EYA4: variants seen among roughly 807,000 people sequenced by gnomAD.
EYA4 encodes EYA transcriptional coactivator and phosphatase 4, also known as protein phosphatase EYA4.
EYA4 carries 31 observed loss-of-function variants against 87.9 expected under a neutral mutation model. The observed-to-expected ratio is 0.35, with a 90% CI of 0.27 to 0.48. EYA4 has a LOEUF of 0.48. EYA4 is among the 20% of genes least tolerant of loss of function. The pLI is 0.99. For missense variants in EYA4, 678 were observed against 761.4 expected, an observed-to-expected ratio of 0.89 and a Z score of 1.29; for synonymous variants, 263 against 270.6, an observed-to-expected ratio of 0.97 and a Z score of 0.28.
chr6:133,419,198 A>G (rs1200075468), intron 3 of EYA4, among the ~76,000 whole-genome samples: 2 of 152,232 alleles, frequency 1.3e-5, no homozygotes, highest in East Asian at 3.8e-4. Flanking sequence ...TTTTACTTAC[A>G]TAAACTCATG....
intron 13 of EYA4, among the ~76,000 whole-genome samples, chr6:133,492,504 G>A (rs1797272893): frequency 1.3e-5 from 2 of 152,292 alleles, no homozygotes; most frequent in Admixed American, 1.3e-4. Flanking sequence ...ATATCACACA[G>A]AAGGGGGAAA....
chr6:133,456,971 G>T (rs953871134), intron 6 of EYA4, among the ~76,000 whole-genome samples: 1 of 152,044 alleles, frequency 6.6e-6, no homozygotes, highest in Non-Finnish European at 1.5e-5. Context: ...AGCTGACCTT[G>T]CTTCTTCAAC....
At chr6:133,266,228 A>G (rs192099552) in intron 1 of EYA4, among the ~76,000 whole-genome samples, 44 of 152,278 alleles carry the variant, frequency 2.9e-4, no homozygotes, top group Admixed American at 2.7e-3. Flanking sequence ...TTAAGAGGAA[A>G]ATTTGTACAG....
chr6:133,259,761 G>T (rs958350053), intron 1 of EYA4, among the ~76,000 whole-genome samples: 26 of 152,144 alleles, frequency 1.7e-4, no homozygotes, highest in Non-Finnish European at 2.9e-5. Flanking sequence ...ACTTTGTTGT[G>T]TTTGGGACTT....
At chr6:133,350,165 CA>C (rs1783531445) in intron 2 of EYA4, among the ~76,000 whole-genome samples, 1 of 151,890 alleles carries the variant, frequency 6.6e-6, no homozygotes, top group Non-Finnish European at 1.5e-5. Context: ...CTAATTGAAC[CA>C]AAAAATGAAC....
intron 2 of EYA4, among the ~76,000 whole-genome samples, chr6:133,327,193 A>C (rs1781564076): frequency 6.6e-6 from 1 of 152,014 alleles, no homozygotes; most frequent in Non-Finnish European, 1.5e-5. Context: ...GCTAGAGTGC[A>C]GTGGCATAGT....
intron 13 of EYA4, among the ~76,000 whole-genome samples, chr6:133,488,484 G>T (rs1184774929): frequency 1.3e-5 from 2 of 152,124 alleles, no homozygotes; most frequent in Non-Finnish European, 2.9e-5. Flanking sequence ...ATCCAGCACA[G>T]TCCCAGGGTG....
At chr6:133,389,993 C>G (rs1787116496) in intron 3 of EYA4, among the ~76,000 whole-genome samples, 1 of 152,120 alleles carries the variant, frequency 6.6e-6, no homozygotes, top group South Asian at 2.1e-4. Flanking sequence ...CCAAGACTGT[C>G]AGAGAGCCTT....
intron 17 of EYA4, among the ~76,000 whole-genome samples, chr6:133,522,231 G>C (rs1800246037): frequency 7.8e-6 from 1 of 127,542 alleles, no homozygotes; most frequent in Admixed American, 7.8e-5. Flanking sequence ...GTGCAGGCTT[G>C]TTACATATGT....
At chr6:133,527,285 G>GA (rs1455798543) in intron 19 of EYA4, among the ~76,000 whole-genome samples, 1 of 152,084 alleles carries the variant, frequency 6.6e-6, no homozygotes, top group Non-Finnish European at 1.5e-5. Context: ...TGAGCTGAAT[G>GA]AAAAAATGTT....
chr6:133,276,019 C>T (rs1777134300), intron 2 of EYA4, among the ~76,000 whole-genome samples: 1 of 152,104 alleles, frequency 6.6e-6, no homozygotes, highest in Admixed American at 6.5e-5. Flanking sequence ...TGGTTATTGA[C>T]TGTAAATATT....
intron 2 of EYA4, among the ~76,000 whole-genome samples, chr6:133,366,807 G>A (rs1222182410): frequency 6.6e-6 from 1 of 152,142 alleles, no homozygotes; most frequent in African/African-American, 2.4e-5. Flanking sequence ...ATTTCATGTG[G>A]TCTTTTTCAA....
intron 1 of EYA4, among the ~76,000 whole-genome samples, chr6:133,243,210 C>T (rs942957373): frequency 2.0e-5 from 3 of 152,080 alleles, no homozygotes; most frequent in Non-Finnish European, 2.9e-5. Flanking sequence ...GCTGTCATTA[C>T]AGACACTTCC....
chr6:133,378,926 G>GGTGTGTGTGTGTGTGTGTGT (rs10681162), intron 2 of EYA4, among the ~76,000 whole-genome samples: 4 of 141,726 alleles, frequency 2.8e-5, no homozygotes, highest in African/African-American at 1.1e-4. Context: ...TTTCTGTCTT[G>GGTGTGTGTGTGTGTGTGTGT]GTGTGTGTGT....
chr6:133,436,942 T>TC (rs1791745229), intron 3 of EYA4, among the ~76,000 whole-genome samples: 1 of 152,296 alleles, frequency 6.6e-6, no homozygotes, highest in South Asian at 2.1e-4. Context: ...GGCTTCCCCT[T>TC]TCTTGGGTTT....
At chr6:133,391,901 A>G (rs1787328763) in intron 3 of EYA4, among the ~76,000 whole-genome samples, 1 of 152,130 alleles carries the variant, frequency 6.6e-6, no homozygotes, top group African/African-American at 2.4e-5. Flanking sequence ...TCCAGCCTAT[A>G]TAAACTAGCA....
intron 3 of EYA4, among the ~76,000 whole-genome samples, chr6:133,418,223 C>G (rs1789912858): frequency 6.6e-6 from 1 of 152,182 alleles, no homozygotes; most frequent in South Asian, 2.1e-4. Context: ...AGCCAAGCTT[C>G]CCATCCAGGT....
chr6:133,434,308 A>G (rs1308755130), intron 3 of EYA4, among the ~76,000 whole-genome samples: 7 of 152,220 alleles, frequency 4.6e-5, no homozygotes, highest in Non-Finnish European at 7.3e-5. Flanking sequence ...ACTTTCTGAT[A>G]GTATAAGTTA....
At chr6:133,409,889 C>A (rs906015897) in intron 3 of EYA4, among the ~76,000 whole-genome samples, 3 of 152,052 alleles carry the variant, frequency 2.0e-5, no homozygotes, top group Non-Finnish European at 4.4e-5. Flanking sequence ...TGTTGATTGT[C>A]TTATCATTTT....
Sources: gnomAD v4.1 joint callset for allele counts (sites outside exome capture counted in the v4.1 genomes callset) on GRCh38, gnomAD v4.1.1 for gene constraint, MANE v1.5 for transcripts, NCBI Gene and HGNC (gene_info 2026-07-23, HGNC 2026-07-21) for gene names.